The following LAMA3 variants were observed in gnomAD, a reference collection of about 807,000 sequenced individuals.
LAMA3 encodes the protein laminin subunit alpha-3.
LAMA3 carries 281 observed loss-of-function variants against 402.0 expected under a neutral mutation model. The observed-to-expected ratio is 0.70, with a 90% confidence interval of 0.63 to 0.77. The LOEUF (loss-of-function observed/expected upper bound fraction) is 0.77, where lower values mean the gene tolerates loss of function less well. LAMA3 is among the 30% of genes least tolerant of loss of function. The pLI is 0.00. For synonymous variants in LAMA3, 1,431 were observed against 1,558.4 expected (o/e 0.92, Z 1.93); for missense variants, 3,840 against 4,215.5 (o/e 0.91, Z 2.47).
rs1302167065 is a variant in LAMA3, at chr18:23,839,964, G to A, written c.3336+35G>A. On this transcript the variant is annotated intron_variant, in intron 27 of 74. Coordinates refer to ENST00000313654, the MANE Select transcript of LAMA3 (RefSeq NM_198129.4). The surrounding 1 kb of genome is among the most constrained non-coding windows in gnomAD (Gnocchi z 4.5). ...TGTTTCTAAACCAGTGGTTCTCAAA[G>A]TATGACCTCTGAAGCAGCAGCATCC... is the stretch of plus-strand genomic sequence containing the variant. 1 of 1,610,278 alleles carries A rather than the reference G, an allele frequency of 6.2e-7. No homozygotes were observed. Among genetic ancestry groups the A allele is most frequent in the Admixed American group, 1.7e-5 (1 of 60,004 alleles).
intron 6 of LAMA3, among the ~76,000 whole-genome samples, chr18:23,756,565 A>G (rs2143647946): frequency 6.6e-6 from 1 of 151,050 alleles, no homozygotes; most frequent in East Asian, 2.0e-4. Flanking sequence ...CTTGGTTTAG[A>G]TTTAGTCTCT....
chr18:23,822,427 G>C, intron 20 of LAMA3, 52 bp downstream of exon 20: 1 of 1,571,006 alleles, frequency 6.4e-7, no homozygotes, highest in Non-Finnish European at 8.7e-7. Context: ...GAAATAAATA[G>C]TGAAACACTT....
At chr18:23,751,510 T>C (rs1192171693) in intron 5 of LAMA3, among the ~76,000 whole-genome samples, 2 of 152,230 alleles carry the variant, frequency 1.3e-5, no homozygotes, top group Non-Finnish European at 2.9e-5. Context: ...TGCAGCCATT[T>C]TGTAGGACCT....
chr18:23,839,878 G>T lies in LAMA3; in HGVS notation c.3285G>T (p.Gln1095His). 1 of 1,614,202 alleles carries T rather than the reference G, an allele frequency of 6.2e-7. No homozygotes were observed. The highest frequency in any genetic ancestry group is 8.5e-7 in the Non-Finnish European group (1 of 1,180,036). Residue 1095 changes from glutamine to histidine, a missense_variant, in exon 27 of 75, where the codon CAG (glutamine) becomes CAT (histidine). This residue lies in a region of LAMA3 where 2,109 missense variants were observed against 2,376.0 expected (regional missense o/e 0.89). Transcript: ENST00000313654. This position sits in a 1 kb window ranked among gnomAD's most constrained non-coding sequence, Gnocchi z 4.5. ...SGRPFPHLPQ[Q>H]SSPSVDVLPG... Reference sequence around the variant, plus strand: ...GGCCTTTCCCTCACCTGCCCCAGCAGTCGTCACCTTCTGTTGATGTTCTTC... The same window carrying T: ...GGCCTTTCCCTCACCTGCCCCAGCATTCGTCACCTTCTGTTGATGTTCTTC...
intron 41 of LAMA3, among the ~76,000 whole-genome samples, chr18:23,888,469 C>G (rs552432103): frequency 6.6e-6 from 1 of 151,910 alleles, no homozygotes; most frequent in Non-Finnish European, 1.5e-5. Context: ...GCCAGGTGAC[C>G]GTAGGGATAT....
At chr18:23,884,914 G>A (rs2065021675) in intron 41 of LAMA3, 61 bp downstream of exon 41, 2 of 1,286,036 alleles carry the variant, frequency 1.6e-6, no homozygotes, top group South Asian at 1.3e-5. Context: ...TGTGGGTGGG[G>A]CTGCCAGGTG....
At position 23,864,263 on chromosome 18, in the gene LAMA3, G is replaced by A. The variant is rs1318489867; in HGVS notation, c.4585-522G>A. Among the ~76,000 whole-genome samples, 10 of 139,206 alleles carry A rather than the reference G, an allele frequency of 7.2e-5. No individual in the cohort carries two copies. The East Asian group carries it at 1.9e-3, about 26-fold the overall frequency. 91.3% of individuals were successfully genotyped at this position (139,206 alleles called of 152,430 possible). A position where few individuals can be genotyped will look rare whatever the true frequency, so the allele number is the denominator to read the frequency against. On this transcript the variant is annotated intron_variant, in intron 35 of 74. Transcript: ENST00000313654. ...TTTAAAAGAGACAGGGTCTTGCCCT[G>A]TTGCCCAAGCTGCACTGCAGTGGTA...
intron 6 of LAMA3, among the ~76,000 whole-genome samples, chr18:23,756,581 C>T (rs983614557): frequency 1.3e-5 from 2 of 151,968 alleles, no homozygotes; most frequent in Non-Finnish European, 2.9e-5. Context: ...TCTCTGCCTA[C>T]AATCACGGCC....
At chr18:23,940,760 A>G (rs906422868) in intron 68 of LAMA3, among the ~76,000 whole-genome samples, 1 of 152,098 alleles carries the variant, frequency 6.6e-6, no homozygotes, top group Non-Finnish European at 1.5e-5. Flanking sequence ...TGCCCCATGC[A>G]AAGTCTTGGG....
At chr18:23,710,672 G>A (rs1257316017) in intron 1 of LAMA3, among the ~76,000 whole-genome samples, 1 of 151,970 alleles carries the variant, frequency 6.6e-6, no homozygotes, top group South Asian at 2.1e-4. Flanking sequence ...ATGACATTGA[G>A]ATGTAAGGTA....
intron 41 of LAMA3, among the ~76,000 whole-genome samples, chr18:23,888,740 T>A (rs944621613): frequency 2.6e-5 from 4 of 152,218 alleles, no homozygotes; most frequent in Non-Finnish European, 4.4e-5. Context: ...CTAATTTTTT[T>A]TGATGCAGTG....
chr18:23,880,890 A>G (rs2064873673), intron 39 of LAMA3, among the ~76,000 whole-genome samples: 1 of 152,176 alleles, frequency 6.6e-6, no homozygotes, highest in Non-Finnish European at 1.5e-5. Context: ...ACAAAACAAA[A>G]CAAAAAGCAA....
chr18:23,861,958 CT>C, intron 35 of LAMA3, 151 bp downstream of exon 35: 2 of 851,276 alleles, frequency 2.3e-6, no homozygotes, highest in South Asian at 3.5e-5. Flanking sequence ...GGAAGAGACC[CT>C]GCCTCCTGCT....
In LAMA3 at chr18:23,810,388, A is replaced by T. The variant is rs1173311916; in HGVS notation, c.1626A>T (p.Gly542=). 6.2e-7 allele frequency: 1 copy of T among 1,614,088 alleles called. No individual in the cohort carries two copies. The highest frequency in any genetic ancestry group is 2.2e-5 in the East Asian group (1 of 44,876). The stretch of plus-strand genomic sequence containing the variant: ...CAGCCTGCTGGTGTTCAGCCCTTGG[A>T]TCCTACCAGATGCCCTGCAGCTCAG... ...ICQACWCSAL[G]SYQMPCSSVT... Residue 542 remains glycine (G), a synonymous_variant, in exon 13 of 75, where the codon GGA becomes GGT. Transcript: ENST00000313654.
chr18:23,922,952 G>A (rs2081890717), intron 62 of LAMA3, among the ~76,000 whole-genome samples: 1 of 152,202 alleles, frequency 6.6e-6, no homozygotes, highest in Admixed American at 6.5e-5. Flanking sequence ...AGGAGAACAT[G>A]ACGTGTGCCA....
Position 23,877,798 on chromosome 18 carries a change from G to A in LAMA3, c.5112+1391G>A, listed in dbSNP as rs570363912. Among the ~76,000 whole-genome samples the A allele has an allele frequency of 1.2e-4, 18 of 152,298 alleles. 1 individual carries two copies. The South Asian group carries it at 1.7e-3, about 14-fold the overall frequency. On this transcript the variant is annotated intron_variant, in intron 39 of 74. Coordinates refer to ENST00000313654, the MANE Select transcript of LAMA3 (RefSeq NM_198129.4). ...TGATATTGTATGTTTTGTGTAACAC[G>A]AGTAGATGCTTTAATTAAGAATAAA...
At chr18:23,869,223 T>C (rs953773811) in intron 37 of LAMA3, among the ~76,000 whole-genome samples, 2 of 152,172 alleles carry the variant, frequency 1.3e-5, no homozygotes, top group African/African-American at 4.8e-5. Context: ...TGGCACACAA[T>C]GTATAAAGAT....
rs2060536773 is a variant in LAMA3 at position 23,689,515 on chromosome 18, C to T, written c.-169C>T. ...AGGTTCCAGAGCTGAGAGGCCACCCCCACGCCGCGGGCTTCCAGCGCGTGG... is the reference window on the plus strand; with the variant it reads ...AGGTTCCAGAGCTGAGAGGCCACCCTCACGCCGCGGGCTTCCAGCGCGTGG... On this transcript the variant is annotated 5_prime_UTR_variant, in exon 1 of 75. Transcript: ENST00000313654. The T allele has an allele frequency of 8.8e-6, 5 of 568,654 alleles. No homozygotes were observed. The highest frequency in any genetic ancestry group is 2.0e-5 in the African/African-American group (1 of 51,162). The allele number at this position is 568,654 out of a possible 1,614,324, so 35.2% of individuals were successfully genotyped here.
chr18:23,763,449 G>T lies in LAMA3; in HGVS notation c.1108G>T (p.Asp370Tyr), dbSNP rs1319654682. The change falls in exon 8 of 75, where the codon GAT becomes TAT. Residue 370 changes from aspartate to tyrosine, a missense_variant. By Grantham distance (160) the Asp-to-Tyr change is radical (BLOSUM62 -3). This residue lies in a region of LAMA3 where 2,109 missense variants were observed against 2,376.0 expected (regional missense o/e 0.89). Transcript: ENST00000313654. ...TGCCAGCAACTGTTACTATGATCCA[G>T]ATGTTGAGCGGCAGCAGGCAAGCTT... ...GHASNCYYDP[D>Y]VERQQASLNT... 1 of 1,614,084 alleles carries T rather than the reference G, an allele frequency of 6.2e-7. No individual in the cohort carries two copies. The highest frequency in any genetic ancestry group is 8.5e-7 in the Non-Finnish European group (1 of 1,179,974).
Sources: gnomAD v4.1 joint callset for allele counts (sites outside exome capture counted in the v4.1 genomes callset) on GRCh38, gnomAD v4.1.1 for gene constraint, gnomAD v4.1.1 regional missense constraint, Gnocchi (gnomAD v3.1) non-coding constraint, MANE v1.5 for transcripts, NCBI Gene and HGNC (gene_info 2026-07-23, HGNC 2026-07-21) for gene names.